SHANK2: variants seen among roughly 807,000 people sequenced by gnomAD.
The protein encoded by SHANK2 is SH3 and multiple ankyrin repeat domains 2.
SHANK2 carries 43 observed loss-of-function variants against 133.7 expected under a neutral mutation model. The ratio of observed to expected loss-of-function variants is 0.32; its 90% confidence interval spans 0.25 to 0.41. The LOEUF (loss-of-function observed/expected upper bound fraction) is 0.41. Among genes scored for constraint, SHANK2 ranks in the 10% least tolerant of loss-of-function variants. The pLI is 1.00. For missense variants in SHANK2, 1,994 were observed against 2,235.8 expected (o/e 0.89, Z 2.18); for synonymous variants, 1,017 against 952.8 (o/e 1.07, Z -1.24).
At chr11:70,552,238 C>T (rs752103976) in intron 17 of SHANK2, among the ~76,000 whole-genome samples, 2 of 152,134 alleles carry the variant, frequency 1.3e-5, no homozygotes, top group African/African-American at 2.4e-5. Context: ...TGCGAACAAA[C>T]GCACACAGGC....
chr11:70,523,195 C>T (rs576898548), intron 17 of SHANK2, among the ~76,000 whole-genome samples: 5 of 152,316 alleles, frequency 3.3e-5, no homozygotes, highest in East Asian at 1.9e-4. Context: ...GTGTGCACAC[C>T]GGGAGGCCTC....
chr11:70,655,934 G>C (rs77336405), intron 17 of SHANK2, among the ~76,000 whole-genome samples: 1,558 of 152,242 alleles, frequency 0.01, 31 homozygotes, highest in African/African-American at 0.036. Context: ...GTGTGGGCTG[G>C]AGACGAGGTT....
rs574699858 is a variant in SHANK2, at chr11:70,568,525, G to A, written c.2062-65594C>T. Among the ~76,000 whole-genome samples, 86 of 152,194 alleles carry A rather than the reference G, an allele frequency of 5.7e-4. 1 individual carries two copies. Among genetic ancestry groups the A allele is most frequent in the African/African-American group, 2.1e-3 (86 of 41,544 alleles). ...CGTGAAGCTGGGGAACTTATTCTTG[G>A]TGGAGCCTCCAGCTGGAGAGAAACT... On this transcript the variant is annotated intron_variant, in intron 17 of 25. Transcript: ENST00000601538.
At chr11:71,231,395 T>C (rs1439898463) in intron 1 of SHANK2, among the ~76,000 whole-genome samples, 6 of 152,048 alleles carry the variant, frequency 3.9e-5, no homozygotes, top group African/African-American at 7.2e-5. Flanking sequence ...GAATGAAAAA[T>C]GGTGACACCA....
chr11:70,631,676 T>C (rs1171280779), intron 17 of SHANK2: 1 of 152,376 alleles, frequency 6.6e-6, no homozygotes, highest in Non-Finnish European at 1.5e-5. Context: ...GTGAGGATGC[T>C]TCCTGCATGA....
intron 15 of SHANK2, among the ~76,000 whole-genome samples, chr11:70,696,615 G>A (rs1945397351): frequency 6.6e-6 from 1 of 152,230 alleles, no homozygotes; most frequent in Non-Finnish European, 1.5e-5. Context: ...GGGCTTCAAG[G>A]TCACAAAGTG....
chr11:70,485,557 G>T lies in SHANK2; in HGVS notation c.4736C>A (p.Pro1579Gln). The change falls in exon 25 of 26, where the codon CCG (proline) becomes CAG (glutamine). Residue 1579 changes from proline (P) to glutamine (Q), a missense_variant. By Grantham distance (76) the Pro-to-Gln change is moderately conservative. Transcript: ENST00000601538. The surrounding 1 kb of genome is among the most constrained non-coding windows in gnomAD (Gnocchi z 5.8). ...EEDVDSFVIP[P>Q]PAPPPPPGSA... is the part of the protein sequence containing the mutation. ...GCCCGGCGGGGGCGGGGGAGCGGGC[G>T]GGGGGATAACAAAGCTATCTACATC... 1.2e-6 allele frequency: 2 copies of T among 1,613,066 alleles called. No homozygotes were observed. Among genetic ancestry groups the T allele is most frequent in the South Asian group, 1.1e-5 (1 of 91,072 alleles).
chr11:70,734,625 C>A (rs1555033070), intron 14 of SHANK2, among the ~76,000 whole-genome samples: 1 of 152,226 alleles, frequency 6.6e-6, no homozygotes, highest in African/African-American at 2.4e-5. Context: ...GCCCCCCGAC[C>A]AATACCAACT....
chr11:70,936,033 A>G (rs564752988), intron 10 of SHANK2, among the ~76,000 whole-genome samples: 5 of 152,314 alleles, frequency 3.3e-5, no homozygotes, highest in Non-Finnish European at 7.3e-5. Context: ...GAGGTCTCAC[A>G]CGGATTGAAA....
chr11:71,151,467 C>T (rs1555108075), intron 2 of SHANK2, among the ~76,000 whole-genome samples: 1 of 152,184 alleles, frequency 6.6e-6, no homozygotes, highest in East Asian at 1.9e-4. Flanking sequence ...CAACCTCCAC[C>T]TGTAGCTGCG....
intron 14 of SHANK2, among the ~76,000 whole-genome samples, chr11:70,786,624 C>A (rs1215187889): frequency 2.0e-5 from 3 of 152,190 alleles, no homozygotes; most frequent in Non-Finnish European, 4.4e-5. Flanking sequence ...TTCTCAAGGG[C>A]ACCAAGTGTG....
intron 17 of SHANK2, among the ~76,000 whole-genome samples, chr11:70,577,220 C>T (rs1459190981): frequency 6.6e-6 from 1 of 152,212 alleles, no homozygotes; most frequent in Non-Finnish European, 1.5e-5. Flanking sequence ...TGACTCAGAG[C>T]TGCATTTTTC....
intron 17 of SHANK2, among the ~76,000 whole-genome samples, chr11:70,612,229 A>G (rs1310382021): frequency 3.9e-5 from 6 of 152,268 alleles, no homozygotes; most frequent in South Asian, 2.1e-4. Context: ...GCTGCTGAGT[A>G]TGGGAACTCA....
chr11:70,658,267 ACACACACACACACAGACACACACAC>A (rs2061435782), intron 17 of SHANK2, among the ~76,000 whole-genome samples: 1 of 113,310 alleles, frequency 8.8e-6, no homozygotes, highest in Non-Finnish European at 1.7e-5. Flanking sequence ...ACACACAGAC[ACACACACACACACAGACACACACAC>A]ACACACACAC....
chr11:71,170,040 A>T (rs1555111849), intron 2 of SHANK2, among the ~76,000 whole-genome samples: 2 of 152,140 alleles, frequency 1.3e-5, no homozygotes, highest in African/African-American at 4.8e-5. Context: ...TACAATATTC[A>T]TTAATTTTAA....
chr11:70,841,789 A>T (rs1408171201), intron 11 of SHANK2, among the ~76,000 whole-genome samples: 1 of 152,170 alleles, frequency 6.6e-6, no homozygotes, highest in Non-Finnish European at 1.5e-5. Context: ...GGACCCAAGC[A>T]TGCAGTGCCA....
intron 8 of SHANK2, among the ~76,000 whole-genome samples, chr11:71,076,510 C>A (rs1373567870): frequency 0.32 from 47,288 of 147,310 alleles, 7,914 homozygotes; most frequent in Non-Finnish European, 0.37. Context: ...AAAAAAAAAA[C>A]AAACAAAAAC....
At chr11:70,540,883 G>A (rs1226328932) in intron 17 of SHANK2, among the ~76,000 whole-genome samples, 1 of 146,264 alleles carries the variant, frequency 6.8e-6, no homozygotes, top group Non-Finnish European at 1.5e-5. Context: ...AACTCAGCAC[G>A]CTAACCTGTT....
chr11:70,835,044 A>G (rs1315641225), intron 11 of SHANK2, among the ~76,000 whole-genome samples: 1 of 152,116 alleles, frequency 6.6e-6, no homozygotes, highest in Non-Finnish European at 1.5e-5. Flanking sequence ...GACCACAAAG[A>G]GAGGTGAGGG....
Sources: allele counts gnomAD v4.1 joint callset (sites outside exome capture counted in the v4.1 genomes callset), GRCh38; gene constraint gnomAD v4.1.1; non-coding constraint Gnocchi (gnomAD v3.1); transcripts MANE v1.5; gene names NCBI Gene and HGNC (gene_info 2026-07-23, HGNC 2026-07-21).